Variants in ATG10 observed in about 807,000 individuals in gnomAD.
The protein encoded by ATG10 is ubiquitin-like-conjugating enzyme ATG10.
ATG10 carries 30 observed loss-of-function variants against 32.1 expected under a neutral mutation model. The ratio of observed to expected loss-of-function variants is 0.94; its 90% CI spans 0.70 to 1.27. The LOEUF (loss-of-function observed/expected upper bound fraction) is 1.27, where lower values mean the gene tolerates loss of function less well. Ranked by LOEUF, ATG10 falls within the 50% of genes most tolerant of loss-of-function variation. ATG10 has a pLI of 0.00. For synonymous variants in ATG10, 87 were observed against 91.5 expected (o/e 0.95, Z 0.28); for missense variants, 233 against 262.3 (o/e 0.89, Z 0.77).
intron 2 of ATG10, among the ~76,000 whole-genome samples, chr5:82,026,838 A>T (rs1303942458): frequency 6.6e-6 from 1 of 152,084 alleles, no homozygotes; most frequent in African/African-American, 2.4e-5. Flanking sequence ...AGGTGGGTGG[A>T]TCATGAGGTC....
intron 2 of ATG10, among the ~76,000 whole-genome samples, chr5:82,050,831 ATC>A (rs999712628): frequency 9.0e-6 from 1 of 111,078 alleles, no homozygotes; most frequent in Non-Finnish European, 1.7e-5. Context: ...GCAAGACCCC[ATC>A]TCTACCAAAA....
intron 3 of ATG10, among the ~76,000 whole-genome samples, chr5:82,094,704 C>A (rs894917363): frequency 4.6e-5 from 7 of 152,004 alleles, no homozygotes; most frequent in Non-Finnish European, 8.8e-5. Flanking sequence ...TTTGCATATG[C>A]AAATATTTAT....
intron 5 of ATG10, among the ~76,000 whole-genome samples, chr5:82,243,812 A>G (rs995608740): frequency 3.9e-5 from 6 of 152,184 alleles, no homozygotes; most frequent in Admixed American, 2.0e-4. Context: ...AAACATGTAG[A>G]ACAGTGTAGC....
At chr5:81,973,997 A>T (rs903662270) in intron 1 of ATG10, among the ~76,000 whole-genome samples, 1 of 152,216 alleles carries the variant, frequency 6.6e-6, no homozygotes, top group Non-Finnish European at 1.5e-5. Context: ...CAAGTTATGT[A>T]TAATGTTTTG....
chr5:82,136,707 A>G (rs527457717), intron 3 of ATG10, among the ~76,000 whole-genome samples: 6 of 152,176 alleles, frequency 3.9e-5, no homozygotes, highest in Non-Finnish European at 8.8e-5. Context: ...GTTCTTCTCA[A>G]GGAGTTTCTT....
At chr5:82,166,144 C>T (rs1743570873) in intron 4 of ATG10, among the ~76,000 whole-genome samples, 1 of 152,156 alleles carries the variant, frequency 6.6e-6, no homozygotes, top group African/African-American at 2.4e-5. Flanking sequence ...ATTGTTCCTG[C>T]AAGTCCAATT....
At chr5:82,194,706 G>A (rs1429842980) in intron 5 of ATG10, among the ~76,000 whole-genome samples, 1 of 152,178 alleles carries the variant, frequency 6.6e-6, no homozygotes. Flanking sequence ...CTTTCACAAG[G>A]AGGCAGTTTC....
chr5:82,060,815 T>C (rs1026408960), intron 3 of ATG10, among the ~76,000 whole-genome samples: 2 of 151,764 alleles, frequency 1.3e-5, no homozygotes, highest in African/African-American at 2.4e-5. Flanking sequence ...GAGCTGAGAT[T>C]ACATCATTGG....
At chr5:82,098,685 C>A (rs1287959074) in intron 3 of ATG10, among the ~76,000 whole-genome samples, 1 of 152,134 alleles carries the variant, frequency 6.6e-6, no homozygotes, top group Non-Finnish European at 1.5e-5. Context: ...ACTTGGAAGA[C>A]AAAACCATTA....
At chr5:82,225,552 G>A (rs759135429) in intron 5 of ATG10, among the ~76,000 whole-genome samples, 1 of 152,194 alleles carries the variant, frequency 6.6e-6, no homozygotes, top group African/African-American at 2.4e-5. Context: ...GGCAAGCCAC[G>A]AATGGTCTCA....
chr5:81,983,900 CTA>C (rs1316667048), intron 1 of ATG10, among the ~76,000 whole-genome samples: 1 of 148,748 alleles, frequency 6.7e-6, no homozygotes, highest in African/African-American at 2.5e-5. Flanking sequence ...ACATCTCAGA[CTA>C]TGGGCGGCCG....
intron 3 of ATG10, among the ~76,000 whole-genome samples, chr5:82,135,381 C>CT (rs1766687164): frequency 6.6e-6 from 1 of 152,200 alleles, no homozygotes; most frequent in Admixed American, 6.5e-5. Context: ...AAATTTTTCT[C>CT]TAAGCGCTGC....
intron 3 of ATG10, among the ~76,000 whole-genome samples, chr5:82,135,900 G>A (rs893873607): frequency 2.6e-5 from 4 of 151,978 alleles, no homozygotes; most frequent in Non-Finnish European, 5.9e-5. Flanking sequence ...AATCTAGGTG[G>A]TCCTGTATTG....
At position 82,017,342 on chromosome 5, in the gene ATG10, C is replaced by T. The variant is rs555040526; in HGVS notation, c.108+29664C>T. On this transcript the variant is annotated intron_variant, in intron 2 of 7. Transcript: ENST00000282185. ...AGTCTTTAGGGTATACGATAATGTC[C>T]TTAGCAAACAGTGACAGTTTGATGT... is the stretch of plus-strand genomic sequence containing the variant. Among the ~76,000 whole-genome samples the T allele has an allele frequency of 7.9e-5, 12 of 152,130 alleles. No individual in the cohort carries two copies. In the East Asian group the frequency reaches 2.1e-3, roughly 27 times the overall value.
At chr5:82,125,120 C>T (rs1766213209) in intron 3 of ATG10, among the ~76,000 whole-genome samples, 1 of 152,168 alleles carries the variant, frequency 6.6e-6, no homozygotes, top group African/African-American at 2.4e-5. Flanking sequence ...ATCCTTCACC[C>T]ACTTTTTGAT....
chr5:82,167,810 C>G (rs1743641604), intron 4 of ATG10, among the ~76,000 whole-genome samples: 1 of 152,190 alleles, frequency 6.6e-6, no homozygotes, highest in African/African-American at 2.4e-5. Context: ...TGTACAGGAG[C>G]TCAGTTACCA....
At chr5:82,088,432 G>T (rs1320857514) in intron 3 of ATG10, among the ~76,000 whole-genome samples, 1 of 152,092 alleles carries the variant, frequency 6.6e-6, no homozygotes, top group Non-Finnish European at 1.5e-5. Flanking sequence ...GAAAATTGTT[G>T]AAATACCCAG....
intron 3 of ATG10, among the ~76,000 whole-genome samples, chr5:82,129,782 C>T (rs1377658639): frequency 6.6e-6 from 1 of 152,134 alleles, no homozygotes; most frequent in African/African-American, 2.4e-5. Context: ...GTCTGTCAAT[C>T]CCTGCTGTGA....
chr5:82,151,717 T>C (rs72776886), intron 3 of ATG10, among the ~76,000 whole-genome samples: 4,195 of 152,288 alleles, frequency 0.028, 85 homozygotes, highest in Middle Eastern at 0.045. Context: ...TAAGATTATT[T>C]GAAATATGGA....
Sources: gnomAD v4.1 joint callset for allele counts (sites outside exome capture counted in the v4.1 genomes callset) on GRCh38, gnomAD v4.1.1 for gene constraint, MANE v1.5 for transcripts, NCBI Gene and HGNC (gene_info 2026-07-23, HGNC 2026-07-21) for gene names.